PRKDC: variants seen among roughly 807,000 people sequenced by gnomAD.
PRKDC encodes the protein protein kinase, DNA-activated, catalytic subunit.
In PRKDC, 82 loss-of-function variants were observed where a neutral mutation model predicts 486.9. The observed-to-expected ratio is 0.17, with a 90% confidence interval of 0.14 to 0.20. PRKDC has a LOEUF of 0.20. PRKDC is among the 10% of genes least tolerant of loss of function. The pLI is 1.00. For missense variants in PRKDC, 4,504 were observed against 5,038.2 expected, an observed-to-expected ratio of 0.89 and a Z score of 3.21; for synonymous variants, 1,895 against 1,837.0, an observed-to-expected ratio of 1.03 and a Z score of -0.81.
intron 3 of PRKDC, 145 bp from the exon 4 acceptor site, chr8:47,956,093 T>C (rs569560618): frequency 1.4e-5 from 9 of 660,330 alleles, no homozygotes; most frequent in African/African-American, 3.7e-5. Flanking sequence ...CCGGGCATAG[T>C]GGCTCATGCC....
At chr8:47,887,020 G>A (rs923914356) in intron 35 of PRKDC, among the ~76,000 whole-genome samples, 2 of 152,112 alleles carry the variant, frequency 1.3e-5, no homozygotes, top group Admixed American at 6.5e-5. Flanking sequence ...TACATTAATC[G>A]GACAAAGGGG....
In PRKDC at chr8:47,943,849, C is replaced by T; in HGVS notation, c.808+4G>A. On this transcript the variant is annotated splice_donor_region_variant and intron_variant, in intron 9 of 85. Transcript: ENST00000314191. ...ATTATACCTCATTATAAACAGAATCCTACCTGAGGGCACAGCATATCTCTT... is the reference window on the plus strand; with the variant it reads ...ATTATACCTCATTATAAACAGAATCTTACCTGAGGGCACAGCATATCTCTT... The T allele has an allele frequency of 6.3e-7, 1 of 1,582,640 alleles. No homozygotes were observed. Among genetic ancestry groups the T allele is most frequent in the Non-Finnish European group, 8.6e-7 (1 of 1,160,684 alleles).
chr8:47,938,470 AG>A, intron 11 of PRKDC, among the ~76,000 whole-genome samples: 1 of 152,284 alleles, frequency 6.6e-6, no homozygotes, highest in East Asian at 1.9e-4. Flanking sequence ...GAGAGATTGT[AG>A]GAAGAAAAAA....
At position 47,887,629 on chromosome 8, in the gene PRKDC, C is replaced by T. The variant is rs773467479; in HGVS notation, c.4490G>A (p.Arg1497Lys). The T allele has an allele frequency of 1.2e-6, 2 of 1,606,960 alleles. No homozygotes were observed. Among genetic ancestry groups the T allele is most frequent in the East Asian group, 2.2e-5 (1 of 44,818 alleles). The change falls in exon 35 of 86, where the codon AGA becomes AAA. Residue 1497 changes from arginine to lysine, a missense_variant. This residue lies in a region of PRKDC where 1,969 missense variants were observed against 2,068.9 expected (regional missense o/e 0.95). Coordinates refer to ENST00000314191, the MANE Select transcript of PRKDC (RefSeq NM_006904.7). ...VYKGIAPGDE[R>K]QCLPSLDLSC... ...GAGGTCTAGAGAAGGCAGACACTGTCTCTCATCTCCAGGGGCAATGCCTTT... is the reference window on the plus strand; with the variant it reads ...GAGGTCTAGAGAAGGCAGACACTGTTTCTCATCTCCAGGGGCAATGCCTTT...
intron 30 of PRKDC, among the ~76,000 whole-genome samples, chr8:47,896,361 C>A (rs1455320451): frequency 6.6e-6 from 1 of 152,018 alleles, no homozygotes; most frequent in African/African-American, 2.4e-5. Flanking sequence ...CAGAACTCCA[C>A]CCCAGGCCAG....
intron 54 of PRKDC, among the ~76,000 whole-genome samples, chr8:47,847,175 G>C (rs796367589): frequency 3.3e-5 from 5 of 152,114 alleles, no homozygotes; most frequent in African/African-American, 1.2e-4. Flanking sequence ...AAAAGAGCCC[G>C]AATAGCCAAA....
At position 47,933,073 on chromosome 8, in the gene PRKDC, T is replaced by C. The variant is rs2154503662; in HGVS notation, c.1723A>G (p.Ile575Val). Residue 575 changes from isoleucine to valine, a missense_variant, in exon 16 of 86, where the codon ATT becomes GTT. Coordinates refer to ENST00000314191, the MANE Select transcript of PRKDC (RefSeq NM_006904.7). ...AGTGTAAGATCCAATTTCTCAACAA[T>C]CTTCAAAACGGATTTTACAAATTCA... is the stretch of plus-strand genomic sequence containing the variant. ...YDEFVKSVLKIVEKLDLTLEI... is the reference protein window; with the variant it reads ...YDEFVKSVLKVVEKLDLTLEI... 5 of 1,595,756 alleles carry C rather than the reference T, an allele frequency of 3.1e-6. No individual in the cohort carries two copies. The highest frequency in any genetic ancestry group is 4.3e-6 in the Non-Finnish European group (5 of 1,172,830).
In PRKDC at chr8:47,789,091, T is replaced by C. The variant is rs758259204; in HGVS notation, c.10759-42A>G. The C allele has an allele frequency of 5.0e-6, 8 of 1,612,508 alleles. No individual in the cohort carries two copies. The East Asian group carries it at 6.7e-5, about 13-fold the overall frequency. On this transcript the variant is annotated intron_variant, in intron 75 of 85. Transcript: ENST00000314191. Reference sequence around the variant, plus strand: ...AAAGTAAGAAAAAAATCAAGCTAGATTGCAATTAAGTTTTACCCAACTTAT... The same window carrying C: ...AAAGTAAGAAAAAAATCAAGCTAGACTGCAATTAAGTTTTACCCAACTTAT...
At chr8:47,833,925 A>G (rs2087945965) in intron 59 of PRKDC, among the ~76,000 whole-genome samples, 1 of 152,094 alleles carries the variant, frequency 6.6e-6, no homozygotes, top group Admixed American at 6.6e-5. Flanking sequence ...TCTTGTTACA[A>G]TCACCCCTTT....
At chr8:47,918,240 A>G in intron 22 of PRKDC, 37 bp downstream of exon 22, 9 of 1,354,614 alleles carry the variant, frequency 6.6e-6, no homozygotes, top group African/African-American at 1.5e-5. Flanking sequence ...TGATCTCTGC[A>G]TTATGTAAGG....
intron 49 of PRKDC, 137 bp from the exon 50 acceptor site, chr8:47,855,510 G>A: frequency 1.1e-6 from 1 of 935,300 alleles, no homozygotes; most frequent in Non-Finnish European, 1.5e-6. Context: ...TGATTTTTCA[G>A]AAACAGGTAA....
chr8:47,917,878 T>C (rs936795806), intron 22 of PRKDC, among the ~76,000 whole-genome samples: 5 of 152,208 alleles, frequency 3.3e-5, no homozygotes, highest in Non-Finnish European at 7.3e-5. Flanking sequence ...GTCAGGCCAC[T>C]CCCATTGCCC....
rs2088701044 is a variant in PRKDC, at chr8:47,862,549, G to A, written c.5751-8C>T. 1.3e-6 allele frequency: 2 copies of A among 1,592,288 alleles called. No individual in the cohort carries two copies. The highest frequency in any genetic ancestry group is 1.7e-6 in the Non-Finnish European group (2 of 1,166,344). On this transcript the variant is annotated splice_region_variant and splice_polypyrimidine_tract_variant and intron_variant, in intron 42 of 85. Transcript: ENST00000314191. ...AATGCATCGTAGCACAATCTGCAGA[G>A]AGATCCATGTGACAAATCAATTCAC... is the stretch of plus-strand genomic sequence containing the variant.
chr8:47,783,303 A>G (rs1291308566), intron 78 of PRKDC, among the ~76,000 whole-genome samples: 3 of 150,774 alleles, frequency 2.0e-5, no homozygotes, highest in Admixed American at 6.6e-5. Context: ...AAAAAAAAAA[A>G]AAAGCCCGGG....
chr8:47,784,505 T>C (rs1029528760), intron 77 of PRKDC, among the ~76,000 whole-genome samples: 1 of 152,202 alleles, frequency 6.6e-6, no homozygotes, highest in Non-Finnish European at 1.5e-5. Context: ...TTTTTTCTTA[T>C]ACCCACTGAA....
intron 25 of PRKDC, among the ~76,000 whole-genome samples, chr8:47,908,851 C>T (rs998387722): frequency 6.6e-6 from 1 of 152,132 alleles, no homozygotes; most frequent in South Asian, 2.1e-4. Flanking sequence ...ATTTATAGTT[C>T]GTTTTTCCTT....
rs1040893095 is a variant in PRKDC at position 47,946,699 on chromosome 8, GC to G, written c.722-2671del. Among the ~76,000 whole-genome samples the G allele has an allele frequency of 3.2e-4, 49 of 152,098 alleles. 1 individual carries two copies. Among genetic ancestry groups the G allele is most frequent in the Admixed American group, 7.9e-4 (12 of 15,266 alleles). On this transcript the variant is annotated intron_variant, in intron 7 of 85. Transcript: ENST00000314191. ...ATGTATAGCCTGAAGTCTGATTTCT[GC>G]TGCAAGATCCCCTGTTACACGCACA...
intron 60 of PRKDC, among the ~76,000 whole-genome samples, chr8:47,831,013 G>A (rs759493702): frequency 1.3e-5 from 2 of 152,112 alleles, no homozygotes; most frequent in Non-Finnish European, 2.9e-5. Flanking sequence ...TTTAAAAACC[G>A]GCTGGAGAGC....
chr8:47,852,701 A>T lies in PRKDC; in HGVS notation c.6977T>A (p.Ile2326Lys). The change falls in exon 52 of 86, where the codon ATA (isoleucine) becomes AAA (lysine). Residue 2326 changes from isoleucine (I) to lysine (K), a missense_variant. Physicochemically the swap from Ile to Lys is moderately radical, Grantham distance 102. This residue lies in a region of PRKDC where 1,592 missense variants were observed against 1,724.6 expected (regional missense o/e 0.92). Transcript: ENST00000314191. ...YAAAAEVLGL[I>K]LRYVMERKNI... ...TTTTCTCTCCATAACATATCGAAGT[A>T]TAAGTCCTAGAACTTCTGCTGCAGC... is the stretch of plus-strand genomic sequence containing the variant. The T allele has an allele frequency of 1.3e-6, 2 of 1,576,872 alleles. No homozygotes were observed. The highest frequency in any genetic ancestry group is 1.7e-6 in the Non-Finnish European group (2 of 1,159,180).
Sources: gnomAD v4.1 joint callset for allele counts (sites outside exome capture counted in the v4.1 genomes callset) on GRCh38, gnomAD v4.1.1 for gene constraint, gnomAD v4.1.1 regional missense constraint, MANE v1.5 for transcripts, NCBI Gene and HGNC (gene_info 2026-07-23, HGNC 2026-07-21) for gene names.